SMARCA4: variants seen among roughly 807,000 people sequenced by gnomAD.
SMARCA4 encodes the protein SWI/SNF related BAF chromatin remodeling complex subunit ATPase 4, also known as SWI/SNF-related matrix-associated actin-dependent regulator of chromatin subfamily A member 4.
A neutral mutation model predicts 193.9 loss-of-function variants in SMARCA4; 31 were observed. That is an observed-to-expected ratio of 0.16 (90% confidence interval 0.12 to 0.22). The LOEUF is 0.22. Among genes scored for constraint, SMARCA4 ranks in the 10% least tolerant of loss-of-function variants. SMARCA4 has a pLI of 1.00. For missense variants in SMARCA4, 1,148 were observed against 2,296.0 expected, an observed-to-expected ratio of 0.50 and a Z score of 10.22; for synonymous variants, 942 against 933.1, an observed-to-expected ratio of 1.01 and a Z score of -0.17.
intron 30 of SMARCA4, among the ~76,000 whole-genome samples, chr19:11,055,171 G>T (rs767275176): frequency 1.4e-4 from 21 of 152,086 alleles, no homozygotes; most frequent in Non-Finnish European, 2.6e-4. Context: ...GGGTGCTCTT[G>T]TACCTTGGTT....
At chr19:10,962,687 C>T (rs1311565019) in intron 1 of SMARCA4, among the ~76,000 whole-genome samples, 4 of 152,068 alleles carry the variant, frequency 2.6e-5, no homozygotes, top group African/African-American at 9.7e-5. Flanking sequence ...GGACTACAGG[C>T]GCCCGCCACC....
intron 30 of SMARCA4, among the ~76,000 whole-genome samples, chr19:11,043,750 G>A (rs1200198819): frequency 6.6e-6 from 1 of 152,224 alleles, no homozygotes; most frequent in Non-Finnish European, 1.5e-5. Context: ...GAGGTGGGCG[G>A]ATCACTTGAA....
chr19:11,022,378 G>T (rs930997117), intron 19 of SMARCA4, among the ~76,000 whole-genome samples: 12 of 152,182 alleles, frequency 7.9e-5, no homozygotes, highest in African/African-American at 2.7e-4. Flanking sequence ...TCCAGTTAGC[G>T]GGGCCACATG....
intron 30 of SMARCA4, among the ~76,000 whole-genome samples, chr19:11,048,046 C>G (rs570727872): frequency 2.0e-5 from 3 of 152,136 alleles, no homozygotes; most frequent in African/African-American, 7.2e-5. Flanking sequence ...TCCTCGCCAC[C>G]GACTGCATGG....
At chr19:11,059,018 T>C in intron 32 of SMARCA4, 129 bp downstream of exon 32, 1 of 750,374 alleles carries the variant, frequency 1.3e-6, no homozygotes, top group African/African-American at 1.7e-5. Flanking sequence ...TTCGTGCCTG[T>C]AATCCCAGCA....
At chr19:10,976,855 G>A (rs1226486858) in intron 1 of SMARCA4, among the ~76,000 whole-genome samples, 2 of 151,628 alleles carry the variant, frequency 1.3e-5, no homozygotes, top group East Asian at 1.9e-4. Flanking sequence ...AGGAGTTTGA[G>A]ACCAGCCTGG....
intron 30 of SMARCA4, among the ~76,000 whole-genome samples, chr19:11,055,892 A>G (rs899735781): frequency 1.3e-5 from 2 of 152,184 alleles, no homozygotes; most frequent in African/African-American, 4.8e-5. Flanking sequence ...CCATATCTTT[A>G]AAAATGTAAT....
At chr19:11,005,461 G>A (rs915591546) in intron 13 of SMARCA4, among the ~76,000 whole-genome samples, 1 of 152,208 alleles carries the variant, frequency 6.6e-6, no homozygotes, top group African/African-American at 2.4e-5. Context: ...TTCTCCTGCT[G>A]ATGGTTCAGT....
chr19:10,970,529 C>T (rs1465787902), intron 1 of SMARCA4, among the ~76,000 whole-genome samples: 3 of 152,182 alleles, frequency 2.0e-5, no homozygotes, highest in African/African-American at 4.8e-5. Flanking sequence ...ATGTCATGCT[C>T]CCGAGTAGCT....
At position 11,026,328 on chromosome 19, in the gene SMARCA4, C is replaced by T. The variant is rs1555781082; in HGVS notation, c.3197C>T (p.Thr1066Ile). 6.2e-7 allele frequency: 1 copy of T among 1,613,956 alleles called. No individual in the cohort carries two copies. The highest frequency in any genetic ancestry group is 8.5e-7 in the Non-Finnish European group (1 of 1,179,948). ...EESFSEHLGF[T>I]GGIVQGLDLY... ...TCCTTTTCCGAGCACTTGGGGTTCACTGGCGGCATTGTCCAAGGGTGAGAA... is the reference window on the plus strand; with the variant it reads ...TCCTTTTCCGAGCACTTGGGGTTCATTGGCGGCATTGTCCAAGGGTGAGAA... Residue 1066 changes from threonine (T) to isoleucine (I), a missense_variant, in exon 23 of 35, where the codon ACT becomes ATT. Transcript: ENST00000344626.
At chr19:11,032,958 A>C in intron 25 of SMARCA4, 1 of 421,666 alleles carries the variant, frequency 2.4e-6, no homozygotes, top group Non-Finnish European at 4.5e-6. Flanking sequence ...GTGTAGGTCC[A>C]CGCTGTGGGG....
At chr19:11,009,687 C>CTTTTT (rs1275036196) in intron 14 of SMARCA4, among the ~76,000 whole-genome samples, 2 of 126,376 alleles carry the variant, frequency 1.6e-5, no homozygotes, top group Non-Finnish European at 3.4e-5. Flanking sequence ...GCCCGGCTAA[C>CTTTTT]TTTTTTTTTT....
At chr19:10,963,706 G>C (rs866276166) in intron 1 of SMARCA4, among the ~76,000 whole-genome samples, 22 of 152,108 alleles carry the variant, frequency 1.4e-4, no homozygotes, top group Middle Eastern at 3.4e-3. Flanking sequence ...TGTGAGGGTT[G>C]AATGAGGTCA....
chr19:11,023,944 C>A (rs767658628), intron 20 of SMARCA4, among the ~76,000 whole-genome samples: 1 of 152,232 alleles, frequency 6.6e-6, no homozygotes, highest in Non-Finnish European at 1.5e-5. Flanking sequence ...GCCCCCCGGC[C>A]CCCCATCATG....
At chr19:11,006,918 C>G (rs746591604) in intron 13 of SMARCA4, among the ~76,000 whole-genome samples, 1 of 151,718 alleles carries the variant, frequency 6.6e-6, no homozygotes, top group Non-Finnish European at 1.5e-5. Flanking sequence ...GTCCCTGTCT[C>G]TACCAAAAAT....
chr19:10,966,379 C>T (rs1212807829), intron 1 of SMARCA4, among the ~76,000 whole-genome samples: 1 of 152,056 alleles, frequency 6.6e-6, no homozygotes, highest in Non-Finnish European at 1.5e-5. Context: ...TCACTTGATC[C>T]CAGGAATCCA....
rs77771542 is a variant in SMARCA4, at chr19:11,043,655, T to TA, written c.4424+2102dup. Among the ~76,000 whole-genome samples the TA allele has an allele frequency of 5.9e-3, 888 of 151,758 alleles. 13 individuals carry two copies. Among genetic ancestry groups the TA allele is most frequent in the East Asian group, 0.023 (121 of 5,156 alleles). ...GGTGATGGAATGAGACCCTGTATCT[T>TA]AAAAAAATGAAATAAATACAGAATA... On this transcript the variant is annotated intron_variant, in intron 30 of 34. Coordinates refer to ENST00000344626, the MANE Select transcript of SMARCA4 (RefSeq NM_003072.5).
At chr19:11,050,814 G>A (rs1247220883) in intron 30 of SMARCA4, among the ~76,000 whole-genome samples, 1 of 152,258 alleles carries the variant, frequency 6.6e-6, no homozygotes, top group Non-Finnish European at 1.5e-5. Flanking sequence ...GGGTGCAGGT[G>A]GAGGGTGGGC....
intron 8 of SMARCA4, among the ~76,000 whole-genome samples, chr19:10,994,378 C>T (rs964609275): frequency 6.9e-6 from 1 of 145,424 alleles, no homozygotes; most frequent in African/African-American, 2.6e-5. Flanking sequence ...GGCTGGAGCA[C>T]AGTGGCACGA....
Sources: gnomAD v4.1 joint callset for allele counts (sites outside exome capture counted in the v4.1 genomes callset) on GRCh38, gnomAD v4.1.1 for gene constraint, MANE v1.5 for transcripts, NCBI Gene and HGNC (gene_info 2026-07-23, HGNC 2026-07-21) for gene names.